The following GRIK2 variants were observed in gnomAD, a reference collection of about 807,000 sequenced individuals.
GRIK2 encodes the protein glutamate ionotropic receptor kainate type subunit 2.
A neutral mutation model predicts 100.3 loss-of-function variants in GRIK2; 32 were observed. The ratio of observed to expected loss-of-function variants is 0.32; its 90% CI spans 0.24 to 0.43. The LOEUF (loss-of-function observed/expected upper bound fraction) is 0.43. Ranked by LOEUF, GRIK2 falls within the 20% of genes least tolerant of loss-of-function variation. The pLI, the probability that GRIK2 is intolerant of heterozygous loss-of-function variation, is 1.00. For missense variants in GRIK2, 843 were observed against 1,114.9 expected, an observed-to-expected ratio of 0.76 and a Z score of 3.47; for synonymous variants, 417 against 389.4, an observed-to-expected ratio of 1.07 and a Z score of -0.83.
At chr6:101,746,768 C>A (rs2128381635) in intron 7 of GRIK2, among the ~76,000 whole-genome samples, 1 of 152,136 alleles carries the variant, frequency 6.6e-6, no homozygotes, top group African/African-American at 2.4e-5. Context: ...TTTGTAAATA[C>A]ATATGTGCAT....
chr6:101,473,157 C>T (rs867574519), intron 2 of GRIK2, among the ~76,000 whole-genome samples: 12 of 138,662 alleles, frequency 8.7e-5, no homozygotes, highest in African/African-American at 2.9e-4. Flanking sequence ...TCCTTCTTTC[C>T]TTCCTTCTTT....
chr6:102,024,686 A>T (rs2114380236), intron 14 of GRIK2, among the ~76,000 whole-genome samples: 1 of 151,496 alleles, frequency 6.6e-6, no homozygotes, highest in East Asian at 1.9e-4. Flanking sequence ...ATTTTTCATT[A>T]ATGTATTAAA....
At chr6:101,636,000 G>T (rs1177778198) in intron 4 of GRIK2, among the ~76,000 whole-genome samples, 2 of 151,912 alleles carry the variant, frequency 1.3e-5, no homozygotes, top group South Asian at 4.1e-4. Context: ...CCCGTTACTG[G>T]GTATATACCC....
intron 7 of GRIK2, among the ~76,000 whole-genome samples, chr6:101,794,156 C>T (rs12211711): frequency 0.12 from 17,913 of 152,122 alleles, 1,145 homozygotes; most frequent in Admixed American, 0.17. Flanking sequence ...TGACCCCTTG[C>T]GCTTCCTGAG....
chr6:101,520,486 T>C (rs1431998854), intron 2 of GRIK2, among the ~76,000 whole-genome samples: 1 of 151,812 alleles, frequency 6.6e-6, no homozygotes, highest in East Asian at 1.9e-4. Flanking sequence ...ATATTTTAGG[T>C]GTTGGATATC....
intron 14 of GRIK2, among the ~76,000 whole-genome samples, chr6:102,017,206 A>T (rs990851754): frequency 6.6e-6 from 1 of 152,156 alleles, no homozygotes; most frequent in Non-Finnish European, 1.5e-5. Flanking sequence ...ACAAGTTGGC[A>T]TAATAAACAA....
At chr6:101,410,632 G>A (rs576284843) in intron 2 of GRIK2, among the ~76,000 whole-genome samples, 1 of 152,150 alleles carries the variant, frequency 6.6e-6, no homozygotes, top group Non-Finnish European at 1.5e-5. Flanking sequence ...GAATCCACAG[G>A]ACCATTTGAA....
intron 14 of GRIK2, among the ~76,000 whole-genome samples, chr6:101,961,577 C>G (rs1436415140): frequency 6.6e-6 from 1 of 152,164 alleles, no homozygotes; most frequent in East Asian, 1.9e-4. Flanking sequence ...TGGAACCACA[C>G]TCTCCCTGAC....
intron 7 of GRIK2, among the ~76,000 whole-genome samples, chr6:101,704,510 ACT>A (rs1460830756): frequency 6.6e-6 from 1 of 151,714 alleles, no homozygotes; most frequent in Non-Finnish European, 1.5e-5. Flanking sequence ...TAATTTATAC[ACT>A]CTCCAATGTG....
intron 16 of GRIK2, among the ~76,000 whole-genome samples, chr6:102,057,556 A>G (rs1286745570): frequency 6.6e-6 from 1 of 152,054 alleles, no homozygotes; most frequent in African/African-American, 2.4e-5. Context: ...AACGGAAACA[A>G]TGAAGCATTA....
At chr6:102,040,856 C>T (rs947735155) in intron 15 of GRIK2, among the ~76,000 whole-genome samples, 1 of 151,568 alleles carries the variant, frequency 6.6e-6, no homozygotes, top group African/African-American at 2.4e-5. Flanking sequence ...ACATAATGCA[C>T]AAAAATTGAT....
At chr6:101,662,896 G>A (rs189279277) in intron 4 of GRIK2, among the ~76,000 whole-genome samples, 7 of 152,000 alleles carry the variant, frequency 4.6e-5, no homozygotes, top group African/African-American at 1.4e-4. Flanking sequence ...TACACAATAT[G>A]TGCTGTCATG....
chr6:101,515,775 C>T (rs2128279741), intron 2 of GRIK2, among the ~76,000 whole-genome samples: 1 of 152,144 alleles, frequency 6.6e-6, no homozygotes, highest in South Asian at 2.1e-4. Context: ...TTGTTTTTAT[C>T]TTACCGATTT....
chr6:102,050,997 C>A (rs1332788353), intron 15 of GRIK2, among the ~76,000 whole-genome samples: 1 of 152,048 alleles, frequency 6.6e-6, no homozygotes, highest in Non-Finnish European at 1.5e-5. Flanking sequence ...CACAATATTA[C>A]ATAAAAATAT....
intron 16 of GRIK2, among the ~76,000 whole-genome samples, chr6:102,066,661 G>A (rs1044602500): frequency 6.6e-6 from 1 of 151,586 alleles, no homozygotes; most frequent in Non-Finnish European, 1.5e-5. Flanking sequence ...AATAAAGGGA[G>A]TGTGAGGAGA....
At chr6:101,845,028 T>C (rs561957830) in intron 10 of GRIK2, among the ~76,000 whole-genome samples, 10 of 151,900 alleles carry the variant, frequency 6.6e-5, no homozygotes, top group African/African-American at 1.2e-4. Context: ...TTGTTGTTGT[T>C]GTCGTTTTGA....
chr6:101,454,137 T>G (rs1228681039), intron 2 of GRIK2, among the ~76,000 whole-genome samples: 1 of 152,140 alleles, frequency 6.6e-6, no homozygotes, highest in Non-Finnish European at 1.5e-5. Context: ...TTTCCTGTTT[T>G]CTTTTTCTTC....
chr6:101,910,305 A>G (rs1445181887), intron 12 of GRIK2, among the ~76,000 whole-genome samples: 1 of 151,226 alleles, frequency 6.6e-6, no homozygotes, highest in Non-Finnish European at 1.5e-5. Context: ...ACTATCTAGC[A>G]ATATGGCCCA....
In GRIK2 at chr6:101,799,755, G is replaced by A; in HGVS notation, c.1059G>A (p.Trp353Ter). Reference sequence around the variant, plus strand: ...TGCAGTGTAATCGACATAAACCCTGGCGCTTCGGGACCCGCTTTATGAGTC... The same window carrying A: ...TGCAGTGTAATCGACATAAACCCTGACGCTTCGGGACCCGCTTTATGAGTC... ...SSLQCNRHKPWRFGTRFMSLI... is the reference protein window; with the variant it reads ...SSLQCNRHKP The change falls in exon 8 of 17, where the codon TGG (tryptophan) becomes TGA (stop). Residue 353 changes from tryptophan (W) to a stop codon, truncating the protein, a stop_gained. Coordinates refer to ENST00000369134, the MANE Select transcript of GRIK2 (RefSeq NM_021956.5). LOFTEE classifies it high-confidence loss of function. 1 of 1,613,588 alleles carries A rather than the reference G, an allele frequency of 6.2e-7. No individual in the cohort carries two copies. Among genetic ancestry groups the A allele is most frequent in the Non-Finnish European group, 8.5e-7 (1 of 1,179,674 alleles).
Sources: gnomAD v4.1 joint callset for allele counts (sites outside exome capture counted in the v4.1 genomes callset) on GRCh38, gnomAD v4.1.1 for gene constraint, MANE v1.5 for transcripts, NCBI Gene and HGNC (gene_info 2026-07-23, HGNC 2026-07-21) for gene names.